The following TBL1XR1 variants were observed in gnomAD, a reference collection of about 807,000 sequenced individuals.
TBL1XR1 encodes TBL1X/Y related 1.
In TBL1XR1, 5 loss-of-function variants were observed where a neutral mutation model predicts 66.9. The observed-to-expected ratio is 0.07, with a 90% CI of 0.04 to 0.16. The LOEUF (loss-of-function observed/expected upper bound fraction) is 0.16, where lower values mean the gene tolerates loss of function less well. TBL1XR1 is among the 10% of genes least tolerant of loss of function. TBL1XR1 has a pLI of 1.00. For synonymous variants in TBL1XR1, 210 were observed against 206.0 expected (o/e 1.02, Z -0.17); for missense variants, 238 against 623.2 (o/e 0.38, Z 6.58).
At chr3:177,110,597 AG>A (rs1243508624) in intron 1 of TBL1XR1, among the ~76,000 whole-genome samples, 34 of 152,234 alleles carry the variant, frequency 2.2e-4, no homozygotes, top group South Asian at 8.3e-4. Flanking sequence ...AGAACTATGA[AG>A]ACACTAAGCT....
At chr3:177,074,198 C>T (rs577699799) in intron 2 of TBL1XR1, among the ~76,000 whole-genome samples, 6 of 152,110 alleles carry the variant, frequency 3.9e-5, no homozygotes, top group Admixed American at 6.5e-5. Flanking sequence ...CTTGAGGATA[C>T]GTAAGAAAGA....
intron 1 of TBL1XR1, among the ~76,000 whole-genome samples, chr3:177,140,613 A>G (rs1159070360): frequency 6.6e-6 from 1 of 152,238 alleles, no homozygotes; most frequent in African/African-American, 2.4e-5. Context: ...ACCTGGAAGA[A>G]ACAGTGGCAG....
intron 2 of TBL1XR1, among the ~76,000 whole-genome samples, chr3:177,081,994 C>T (rs1201577790): frequency 1.3e-5 from 2 of 152,046 alleles, no homozygotes; most frequent in African/African-American, 4.8e-5. Context: ...GTGTGAAACC[C>T]CCTTGATTGT....
chr3:177,196,225 C>T lies in TBL1XR1; in HGVS notation c.-122+896G>A, dbSNP rs1026208188. On this transcript the variant is annotated intron_variant, in intron 1 of 15. Coordinates refer to ENST00000457928, the MANE Select transcript of TBL1XR1 (RefSeq NM_024665.7). ...AATATTCCACTTAAATAAAAGTCTG[C>T]TTCTGTTCAAAAAATTAAATCGGTT... is the stretch of plus-strand genomic sequence containing the variant. The T allele has an allele frequency of 1.5e-4, 23 of 152,292 alleles. No individual in the cohort carries two copies. The East Asian group carries it at 1.5e-3, about 10-fold the overall frequency. 9.4% of individuals were successfully genotyped at this position (152,292 alleles called of 1,614,324 possible). A position where few individuals can be genotyped will look rare whatever the true frequency, so the allele number is the denominator to read the frequency against.
At chr3:177,046,917 A>G (rs1270979580) in intron 9 of TBL1XR1, among the ~76,000 whole-genome samples, 1 of 152,162 alleles carries the variant, frequency 6.6e-6, no homozygotes, top group Non-Finnish European at 1.5e-5. Flanking sequence ...CAGATCCTGC[A>G]TTTCATATTA....
intron 2 of TBL1XR1, among the ~76,000 whole-genome samples, chr3:177,067,626 G>C (rs1490136000): frequency 6.6e-6 from 1 of 152,006 alleles, no homozygotes; most frequent in Non-Finnish European, 1.5e-5. Context: ...ATAAGAGCAG[G>C]AAAGTTATCT....
chr3:177,131,510 CTTTTTTT>C, intron 1 of TBL1XR1: 10 of 257,088 alleles, frequency 3.9e-5, no homozygotes, highest in Non-Finnish European at 5.6e-5. Flanking sequence ...TTCTGAATAT[CTTTTTTT>C]TTTTTTTTTT....
upstream of TBL1XR1, among the ~76,000 whole-genome samples, chr3:177,197,637 G>GGCGA (rs1737056572): frequency 7.1e-6 from 1 of 140,666 alleles, no homozygotes; most frequent in African/African-American, 2.6e-5. Flanking sequence ...CGGGCGAGCG[G>GGCGA]GCGGGCGGGC....
intron 14 of TBL1XR1, chr3:177,027,481 A>G (rs762793290): frequency 2.0e-5 from 3 of 152,234 alleles, no homozygotes; most frequent in Non-Finnish European, 2.9e-5. Flanking sequence ...ACCAGTCAAT[A>G]TAACAGGACA....
At chr3:177,103,329 T>C (rs1724465161) in intron 1 of TBL1XR1, among the ~76,000 whole-genome samples, 1 of 152,244 alleles carries the variant, frequency 6.6e-6, no homozygotes, top group South Asian at 2.1e-4. Context: ...ATAAACTAAA[T>C]ATATTTACTT....
chr3:177,085,879 C>A (rs578257094), intron 2 of TBL1XR1, among the ~76,000 whole-genome samples: 1 of 152,136 alleles, frequency 6.6e-6, no homozygotes, highest in Non-Finnish European at 1.5e-5. Flanking sequence ...TCTACACAAT[C>A]TGTGTTACAC....
chr3:177,187,487 G>A (rs935982805), intron 1 of TBL1XR1, among the ~76,000 whole-genome samples: 1 of 151,942 alleles, frequency 6.6e-6, no homozygotes, highest in Non-Finnish European at 1.5e-5. Context: ...AGAACTTCAG[G>A]TAACATTTCA....
At chr3:177,067,810 C>T (rs1315674634) in intron 2 of TBL1XR1, among the ~76,000 whole-genome samples, 1 of 152,010 alleles carries the variant, frequency 6.6e-6, no homozygotes, top group Non-Finnish European at 1.5e-5. Context: ...CATGAGTGGA[C>T]TTAATAAGGC....
intron 1 of TBL1XR1, among the ~76,000 whole-genome samples, chr3:177,117,363 A>G (rs557876601): frequency 2.0e-5 from 3 of 152,360 alleles, no homozygotes; most frequent in Admixed American, 1.3e-4. Flanking sequence ...GGTAAATTTA[A>G]TAAGGCTTCC....
intron 1 of TBL1XR1, chr3:177,196,273 A>G (rs1736833355): frequency 6.6e-6 from 1 of 152,148 alleles, no homozygotes; most frequent in Non-Finnish European, 1.5e-5. Context: ...TTACCGAGAA[A>G]CCACCCTCAC....
chr3:177,201,533 T>C (rs1239972141), upstream of TBL1XR1, among the ~76,000 whole-genome samples: 1 of 151,530 alleles, frequency 6.6e-6, no homozygotes, highest in African/African-American at 2.4e-5. Context: ...GCTAAAGACA[T>C]GGAACATTTT....
intron 2 of TBL1XR1, among the ~76,000 whole-genome samples, chr3:177,097,238 A>G (rs1005400164): frequency 4.6e-5 from 7 of 152,264 alleles, no homozygotes; most frequent in African/African-American, 1.7e-4. Context: ...TAGTAAAACT[A>G]AAATTGTTGG....
rs1469310816 is a variant in TBL1XR1, at chr3:177,158,237, T to C, written c.-122+38884A>G. ...TAGGATTTGTTTCTTTTCTTTTTTTTTTTTTTTTTTAAGACAGTCTTGCTC... is the reference window on the plus strand; with the variant it reads ...TAGGATTTGTTTCTTTTCTTTTTTTCTTTTTTTTTTAAGACAGTCTTGCTC... On this transcript the variant is annotated intron_variant, in intron 1 of 15. Transcript: ENST00000457928. 2.0e-5 allele frequency among the ~76,000 whole-genome samples: 3 copies of C among 151,090 alleles called. No homozygotes were observed. The East Asian group carries it at 5.8e-4, about 29-fold the overall frequency.
intron 12 of TBL1XR1, 32 bp from the exon 13 acceptor site, chr3:177,034,357 T>C: frequency 7.0e-7 from 1 of 1,438,226 alleles, no homozygotes; most frequent in Non-Finnish European, 9.2e-7. Context: ...ATACAATTAT[T>C]TTTCCATACA....
Sources: gnomAD v4.1 joint callset for allele counts (sites outside exome capture counted in the v4.1 genomes callset) on GRCh38, gnomAD v4.1.1 for gene constraint, MANE v1.5 for transcripts, NCBI Gene and HGNC (gene_info 2026-07-23, HGNC 2026-07-21) for gene names.